The following CEP83 variants were observed in gnomAD, a reference collection of about 807,000 sequenced individuals.
The protein encoded by CEP83 is centrosomal protein of 83 kDa.
Under a neutral mutation model 101.9 loss-of-function variants are expected in CEP83, and 70 were observed. That is an observed-to-expected ratio of 0.69 (90% confidence interval 0.57 to 0.84). CEP83 has a LOEUF of 0.84. CEP83 is among the 40% of genes least tolerant of loss of function. CEP83 has a pLI of 0.00. For synonymous variants in CEP83, 264 were observed against 267.9 expected (o/e 0.99, Z 0.14); for missense variants, 715 against 787.2 (o/e 0.91, Z 1.10).
chr12:94,428,608 T>A (rs1050858522), intron 2 of CEP83, among the ~76,000 whole-genome samples: 1 of 152,206 alleles, frequency 6.6e-6, no homozygotes, highest in African/African-American at 2.4e-5. Context: ...TTATTTTGAA[T>A]CTGTCACAAA....
At chr12:94,455,096 C>T (rs896918687) in intron 1 of CEP83, among the ~76,000 whole-genome samples, 1 of 152,166 alleles carries the variant, frequency 6.6e-6, no homozygotes, top group African/African-American at 2.4e-5. Context: ...TTGAAGTCAG[C>T]GAGACCAAGA....
chr12:94,286,368 G>C, the CEP83 span, among the ~76,000 whole-genome samples: 1 of 152,106 alleles, frequency 6.6e-6, no homozygotes, highest in Non-Finnish European at 1.5e-5. Context: ...TTTAAAGGCT[G>C]CTTGGAGAAA....
At chr12:94,301,983 C>T (rs1156276971), downstream of CEP83, among the ~76,000 whole-genome samples, 1 of 152,202 alleles carries the variant, frequency 6.6e-6, no homozygotes, top group African/African-American at 2.4e-5. Flanking sequence ...CTTATCCCTT[C>T]ATCCCGTCCC....
At chr12:94,376,690 T>TACAC (rs533315599) in intron 7 of CEP83, among the ~76,000 whole-genome samples, 2,278 of 117,290 alleles carry the variant, frequency 0.019, 39 homozygotes, top group East Asian at 0.046. Flanking sequence ...TATACATATA[T>TACAC]ACACACACAC....
intron 6 of CEP83, among the ~76,000 whole-genome samples, chr12:94,395,359 A>C (rs947458119): frequency 7.2e-6 from 1 of 139,784 alleles, no homozygotes; most frequent in African/African-American, 2.6e-5. Flanking sequence ...CATATGAAAA[A>C]GTAACAAATT....
At chr12:94,403,003 G>C (rs980726776) in intron 5 of CEP83, 167 bp downstream of exon 5, 1 of 413,206 alleles carries the variant, frequency 2.4e-6, no homozygotes, top group Non-Finnish European at 4.3e-6. Flanking sequence ...AAGGAAAGGA[G>C]ATCAGAGAGG....
chr12:94,308,670 A>G lies in CEP83; in HGVS notation c.*143T>C. Reference sequence around the variant, plus strand: ...TAAAATCCTGACAGTCATACAATACAGCATGTAGTAGGTACCTTTTCTTGA... The same window carrying G: ...TAAAATCCTGACAGTCATACAATACGGCATGTAGTAGGTACCTTTTCTTGA... On this transcript the variant is annotated 3_prime_UTR_variant, in exon 17 of 17. Coordinates refer to ENST00000397809, the MANE Select transcript of CEP83 (RefSeq NM_016122.3). 1.7e-6 allele frequency: 1 copy of G among 594,602 alleles called. No homozygotes were observed. The highest frequency in any genetic ancestry group is 2.9e-5 in the Admixed American group (1 of 34,148). The allele number at this position is 594,602 out of a possible 1,614,324, so 36.8% of individuals were successfully genotyped here.
At chr12:94,307,163 G>A (rs1969124691), downstream of CEP83, 1 of 152,158 alleles carries the variant, frequency 6.6e-6, no homozygotes. Context: ...AGTCCTGTGT[G>A]GAGAGTTACC....
At chr12:94,301,157 C>CACCA in the CEP83 span, 1 of 953,182 alleles carries the variant, frequency 1.0e-6, no homozygotes, top group Non-Finnish European at 1.5e-6. Context: ...GTCTAAACTA[C>CACCA]ACCAGCTAAA....
chr12:94,289,850 T>TCACA, the CEP83 span, among the ~76,000 whole-genome samples: 20 of 151,970 alleles, frequency 1.3e-4, no homozygotes, highest in African/African-American at 4.6e-4. Context: ...ACATACGCGC[T>TCACA]CACACACACA....
chr12:94,392,989 C>T (rs1252987180), intron 6 of CEP83, among the ~76,000 whole-genome samples: 1 of 151,994 alleles, frequency 6.6e-6, no homozygotes, highest in African/African-American at 2.4e-5. Context: ...AATTAATAGC[C>T]TACCAACCAA....
At chr12:94,362,182 T>C (rs539911021) in intron 11 of CEP83, among the ~76,000 whole-genome samples, 3 of 152,166 alleles carry the variant, frequency 2.0e-5, no homozygotes, top group South Asian at 4.1e-4. Flanking sequence ...CACAATGAGA[T>C]TTCATCTCAC....
intron 2 of CEP83, among the ~76,000 whole-genome samples, chr12:94,431,303 C>G (rs1330285117): frequency 6.6e-6 from 1 of 152,020 alleles, no homozygotes; most frequent in East Asian, 1.9e-4. Context: ...CAAGATGGAT[C>G]AAAGATACAA....
intron 14 of CEP83, among the ~76,000 whole-genome samples, chr12:94,314,789 T>A (rs909340211): frequency 6.6e-6 from 1 of 152,242 alleles, no homozygotes; most frequent in African/African-American, 2.4e-5. Flanking sequence ...AAGTATTTAT[T>A]TATGAATTTA....
chr12:94,294,198 T>C, the CEP83 span, among the ~76,000 whole-genome samples: 1 of 152,102 alleles, frequency 6.6e-6, no homozygotes, highest in Non-Finnish European at 1.5e-5. Context: ...CCACCTCCCA[T>C]CTGTCCCACA....
At chr12:94,368,323 A>G (rs2061124177) in intron 9 of CEP83, 122 bp from the exon 10 acceptor site, 1 of 690,792 alleles carries the variant, frequency 1.4e-6, no homozygotes, top group South Asian at 2.0e-5. Context: ...CTACAAATAT[A>G]TATTCTCAAC....
chr12:94,359,540 T>C (rs1565982966), intron 11 of CEP83, among the ~76,000 whole-genome samples: 1 of 151,932 alleles, frequency 6.6e-6, no homozygotes, highest in African/African-American at 2.4e-5. Flanking sequence ...AGAAAATGGA[T>C]AAATTGCTAA....
chr12:94,267,167 AAATGAT>A, the CEP83 span, among the ~76,000 whole-genome samples: 1 of 152,242 alleles, frequency 6.6e-6, no homozygotes, highest in Admixed American at 6.5e-5. Context: ...AAATATTTGC[AAATGAT>A]TATAGTCGGG....
intron 14 of CEP83, among the ~76,000 whole-genome samples, chr12:94,322,563 G>A (rs2058793959): frequency 6.6e-6 from 1 of 152,182 alleles, no homozygotes; most frequent in Non-Finnish European, 1.5e-5. Flanking sequence ...CCTCTCTCTG[G>A]GAGAGCCATT....
Sources: gnomAD v4.1 joint callset for allele counts (sites outside exome capture counted in the v4.1 genomes callset) on GRCh38, gnomAD v4.1.1 for gene constraint, MANE v1.5 for transcripts, NCBI Gene and HGNC (gene_info 2026-07-23, HGNC 2026-07-21) for gene names.